The following ATP8A2 variants were observed in gnomAD, a reference collection of about 807,000 sequenced individuals.
ATP8A2 encodes phospholipid-transporting ATPase IB.
ATP8A2 carries 100 observed loss-of-function variants against 165.6 expected under a neutral mutation model. The ratio of observed to expected loss-of-function variants is 0.60; its 90% CI spans 0.51 to 0.71. The LOEUF is 0.71. Among genes scored for constraint, ATP8A2 ranks in the 30% least tolerant of loss-of-function variants. The pLI is 0.00. For synonymous variants in ATP8A2, 543 were observed against 548.8 expected (o/e 0.99, Z 0.15); for missense variants, 1,227 against 1,479.5 (o/e 0.83, Z 2.80).
chr13:25,961,381 G>A (rs543227567), intron 33 of ATP8A2, among the ~76,000 whole-genome samples, 194 bp from the exon 34 acceptor site: 1 of 152,336 alleles, frequency 6.6e-6, no homozygotes, highest in East Asian at 1.9e-4. Flanking sequence ...ATGAAAGTAA[G>A]AAGAGAGAAG....
chr13:25,804,233 T>C (rs1427037016), intron 27 of ATP8A2, among the ~76,000 whole-genome samples: 2 of 152,190 alleles, frequency 1.3e-5, no homozygotes, highest in Non-Finnish European at 2.9e-5. Flanking sequence ...ATGGCCGTTT[T>C]AATGATATTA....
chr13:25,391,410 G>A (rs1365632181), intron 1 of ATP8A2, among the ~76,000 whole-genome samples: 1 of 151,902 alleles, frequency 6.6e-6, no homozygotes, highest in Non-Finnish European at 1.5e-5. Flanking sequence ...TTCATTTAAC[G>A]ACCTTTGTTT....
intron 24 of ATP8A2, among the ~76,000 whole-genome samples, chr13:25,648,010 T>G (rs1353842058): frequency 6.6e-6 from 1 of 152,166 alleles, no homozygotes; most frequent in East Asian, 1.9e-4. Flanking sequence ...TAAATATGCT[T>G]TCTGGCCCTT....
chr13:25,517,763 A>G (rs920851021), intron 2 of ATP8A2, among the ~76,000 whole-genome samples: 6 of 152,256 alleles, frequency 3.9e-5, no homozygotes, highest in African/African-American at 1.2e-4. Context: ...AATTAGGAAC[A>G]TGTTGAAAAT....
At chr13:25,623,807 A>G (rs1483731954) in intron 24 of ATP8A2, among the ~76,000 whole-genome samples, 1 of 152,180 alleles carries the variant, frequency 6.6e-6, no homozygotes, top group Non-Finnish European at 1.5e-5. Flanking sequence ...ATGCATATCT[A>G]GATGAGCATA....
At chr13:25,862,216 T>G in intron 32 of ATP8A2, 85 bp from the exon 33 acceptor site, 1 of 892,950 alleles carries the variant, frequency 1.1e-6, no homozygotes, top group Non-Finnish European at 1.8e-6. Flanking sequence ...GTAGCTTGGA[T>G]GCAAGGATTC....
intron 25 of ATP8A2, among the ~76,000 whole-genome samples, chr13:25,763,878 C>T (rs929448490): frequency 1.3e-5 from 2 of 152,114 alleles, no homozygotes; most frequent in African/African-American, 2.4e-5. Flanking sequence ...GCCATGGAGG[C>T]ATTTAATAAA....
At chr13:25,559,211 C>A in intron 14 of ATP8A2, 150 bp downstream of exon 14, 3 of 599,634 alleles carry the variant, frequency 5.0e-6, no homozygotes, top group Admixed American at 3.2e-5. Context: ...TGAATGGATC[C>A]CAAATTAAAC....
At chr13:25,846,837 A>G (rs1225139427) in intron 30 of ATP8A2, among the ~76,000 whole-genome samples, 1 of 152,210 alleles carries the variant, frequency 6.6e-6, no homozygotes, top group Non-Finnish European at 1.5e-5. Flanking sequence ...GCATTAATTA[A>G]TAATCCCCTT....
intron 24 of ATP8A2, among the ~76,000 whole-genome samples, chr13:25,623,913 G>T (rs552492237): frequency 2.0e-5 from 3 of 152,018 alleles, no homozygotes; most frequent in Non-Finnish European, 4.4e-5. Context: ...ATGTATGTAT[G>T]TGTGTGCATA....
Position 25,372,225 on chromosome 13 carries a change from G to A in ATP8A2, c.13G>A (p.Ala5Thr), listed in dbSNP as rs1393487822. MLNG[A>T]GLDKALKMSL... ...CGACACGGGCGAGATGCTGAACGGCGCAGGCCTGGACAAAGCTCTTAAGAT... is the reference window on the plus strand; with the variant it reads ...CGACACGGGCGAGATGCTGAACGGCACAGGCCTGGACAAAGCTCTTAAGAT... The change falls in exon 1 of 37, where the codon GCA becomes ACA. Residue 5 changes from alanine to threonine, a missense_variant. Physicochemically the swap from Ala to Thr is moderately conservative, Grantham distance 58. Around this residue, in one of 5 missense-constraint regions of ATP8A2, gnomAD observed 356 missense variants for 394.9 expected, o/e 0.90. Transcript: ENST00000381655. This position sits in a 1 kb window ranked among gnomAD's most constrained non-coding sequence, Gnocchi z 4.8. 5 of 1,472,490 alleles carry A rather than the reference G, an allele frequency of 3.4e-6. 1 individual carries two copies. The South Asian group carries it at 6.5e-5, about 19-fold the overall frequency. 91.2% of individuals were successfully genotyped at this position (1,472,490 alleles called of 1,614,324 possible).
intron 27 of ATP8A2, among the ~76,000 whole-genome samples, chr13:25,823,445 C>T (rs2138579638): frequency 6.6e-6 from 1 of 152,110 alleles, no homozygotes; most frequent in East Asian, 1.9e-4. Context: ...TAATATAAGA[C>T]ACGTGTTTAA....
intron 33 of ATP8A2, among the ~76,000 whole-genome samples, chr13:25,949,807 C>CT (rs890358325): frequency 2.6e-5 from 4 of 151,876 alleles, no homozygotes; most frequent in Non-Finnish European, 5.9e-5. Context: ...TACAAACTGC[C>CT]TTTTTTTTCT....
chr13:25,679,362 G>A (rs868388418), intron 24 of ATP8A2, among the ~76,000 whole-genome samples: 65 of 152,318 alleles, frequency 4.3e-4, no homozygotes, highest in African/African-American at 1.5e-3. Flanking sequence ...CAGAAGCAGT[G>A]TTTGAGGTTT....
At chr13:25,807,812 A>G (rs1273306772) in intron 27 of ATP8A2, among the ~76,000 whole-genome samples, 4 of 152,170 alleles carry the variant, frequency 2.6e-5, no homozygotes, top group Non-Finnish European at 5.9e-5. Flanking sequence ...GCCAGAAGTA[A>G]CACTGCAAAG....
intron 6 of ATP8A2, among the ~76,000 whole-genome samples, chr13:25,535,415 A>G (rs941073787): frequency 1.3e-5 from 2 of 151,814 alleles, no homozygotes; most frequent in Admixed American, 6.6e-5. Context: ...GACTTGAGGA[A>G]CTCTCTGAGG....
At chr13:25,683,163 G>A (rs1483500205) in intron 24 of ATP8A2, among the ~76,000 whole-genome samples, 1 of 142,000 alleles carries the variant, frequency 7.0e-6, no homozygotes. Context: ...TGGTGTATAG[G>A]ATGAAATAGA....
intron 23 of ATP8A2, among the ~76,000 whole-genome samples, chr13:25,589,090 C>G (rs1346540525): frequency 6.6e-6 from 1 of 151,974 alleles, no homozygotes; most frequent in Non-Finnish European, 1.5e-5. Context: ...GGAGTACTTT[C>G]GTTCCAAATA....
At chr13:25,522,385 C>A (rs113637786) in intron 2 of ATP8A2, among the ~76,000 whole-genome samples, 2 of 152,066 alleles carry the variant, frequency 1.3e-5, no homozygotes, top group African/African-American at 4.8e-5. Flanking sequence ...CTTTCCAGTT[C>A]GGATGCCCTT....
Sources: allele counts gnomAD v4.1 joint callset (sites outside exome capture counted in the v4.1 genomes callset), GRCh38; gene constraint gnomAD v4.1.1; regional missense constraint gnomAD v4.1.1; non-coding constraint Gnocchi (gnomAD v3.1); transcripts MANE v1.5; gene names NCBI Gene and HGNC (gene_info 2026-07-23, HGNC 2026-07-21).